Variants in SEL1L2 observed in about 807,000 individuals in gnomAD.
The protein encoded by SEL1L2 is SEL1L2 adaptor subunit of SYVN1 ubiquitin ligase, also known as protein sel-1 homolog 2.
A neutral mutation model predicts 98.8 loss-of-function variants in SEL1L2; 89 were observed. The ratio of observed to expected loss-of-function variants is 0.90; its 90% CI spans 0.76 to 1.07. The LOEUF is 1.07. Among genes scored for constraint, SEL1L2 ranks in the 50% least tolerant of loss-of-function variants. The pLI is 0.00. For synonymous variants in SEL1L2, 262 were observed against 278.5 expected (o/e 0.94, Z 0.59); for missense variants, 788 against 812.0 (o/e 0.97, Z 0.36).
At chr20:13,977,711 A>G (rs2051613102) in intron 1 of SEL1L2, among the ~76,000 whole-genome samples, 1 of 152,178 alleles carries the variant, frequency 6.6e-6, no homozygotes, top group African/African-American at 2.4e-5. Context: ...CTGTTCCCCT[A>G]GCTCTCCCCA....
At chr20:13,866,966 C>G in intron 14 of SEL1L2, 116 bp from the exon 15 acceptor site, 1 of 1,036,512 alleles carries the variant, frequency 9.6e-7, no homozygotes, top group South Asian at 3.0e-5. Context: ...GAAAAGCCAA[C>G]CAAAAGTCAA....
chr20:13,854,986 G>A (rs1988905626), intron 18 of SEL1L2, among the ~76,000 whole-genome samples: 1 of 148,828 alleles, frequency 6.7e-6, no homozygotes, highest in Non-Finnish European at 1.5e-5. Context: ...GGGAGGCAGA[G>A]GTTGCAGTGA....
At position 13,863,094 on chromosome 20, in the gene SEL1L2, G is replaced by T. The variant is rs61492621; in HGVS notation, c.1645+2073C>A. On this transcript the variant is annotated intron_variant, in intron 17 of 19. Coordinates refer to ENST00000284951, the MANE Select transcript of SEL1L2 (RefSeq NM_025229.2). Reference sequence around the variant, plus strand: ...AGTAACTGGGAGCAAGAACTTATAAGAATGGTGCCCAGAAAAGAGGCCCAA... The same window carrying T: ...AGTAACTGGGAGCAAGAACTTATAATAATGGTGCCCAGAAAAGAGGCCCAA... 1.0e-3 allele frequency among the ~76,000 whole-genome samples: 153 copies of T among 152,264 alleles called. 2 individuals carry two copies. The highest frequency in any genetic ancestry group is 3.6e-3 in the African/African-American group (151 of 41,552).
intron 5 of SEL1L2, among the ~76,000 whole-genome samples, chr20:13,908,434 C>G (rs2048073322): frequency 6.6e-6 from 1 of 152,112 alleles, no homozygotes; most frequent in African/African-American, 2.4e-5. Flanking sequence ...ATTTTTGACT[C>G]TTAAAGCAAA....
chr20:13,985,301 C>T (rs1190758028), intron 1 of SEL1L2, among the ~76,000 whole-genome samples: 1 of 152,208 alleles, frequency 6.6e-6, no homozygotes, highest in Non-Finnish European at 1.5e-5. Flanking sequence ...ACATACTACA[C>T]CACAGCAAAC....
chr20:13,907,203 A>AT (rs2047971467), intron 5 of SEL1L2, among the ~76,000 whole-genome samples: 1 of 152,094 alleles, frequency 6.6e-6, no homozygotes, highest in African/African-American at 2.4e-5. Context: ...TAAGTTAAAT[A>AT]TTTTTTTCTG....
intron 5 of SEL1L2, among the ~76,000 whole-genome samples, chr20:13,897,140 C>A (rs2047460233): frequency 1.3e-5 from 2 of 152,138 alleles, no homozygotes; most frequent in East Asian, 1.9e-4. Context: ...ACAAGGATGA[C>A]AAGGCTGCAC....
In SEL1L2 at chr20:13,859,374, T is replaced by G; in HGVS notation, c.1706A>C (p.Lys569Thr). ...GTGTGTGGCTGCTGTTTGATAGTCT[T>G]TCTTAGTCCCATAGCCATAGTAATG... ...DYHYYGYGTKKDYQTAATHYS... is the reference protein window; with the variant it reads ...DYHYYGYGTKTDYQTAATHYS... Residue 569 changes from lysine (K) to threonine (T), a missense_variant, in exon 18 of 20, where the codon AAA becomes ACA. By Grantham distance (78) the Lys-to-Thr change is moderately conservative. Transcript: ENST00000284951. The G allele has an allele frequency of 6.2e-7, 1 of 1,614,148 alleles. No individual in the cohort carries two copies.
At chr20:13,929,494 T>C (rs1183494656) in intron 3 of SEL1L2, among the ~76,000 whole-genome samples, 1 of 121,550 alleles carries the variant, frequency 8.2e-6, no homozygotes, top group Non-Finnish European at 1.7e-5. Flanking sequence ...TGCCTTTTTT[T>C]TTTTTTTTTT....
chr20:13,900,089 A>T (rs761774034), intron 5 of SEL1L2, among the ~76,000 whole-genome samples: 3 of 152,208 alleles, frequency 2.0e-5, no homozygotes, highest in African/African-American at 4.8e-5. Context: ...CAGTAAAACC[A>T]TCTGAGTGTA....
Position 13,931,610 on chromosome 20 carries a change from C to G in SEL1L2, c.276G>C (p.Lys92Asn). 7.2e-7 allele frequency: 1 copy of G among 1,380,288 alleles called. No homozygotes were observed. Among genetic ancestry groups the G allele is most frequent in the Admixed American group, 2.4e-5 (1 of 41,786 alleles). The allele number at this position is 1,380,288 out of a possible 1,614,324, so 85.5% of individuals were successfully genotyped here. ...IQNKDILKRN[K>N]NHLQKQAEKN... is the part of the protein sequence containing the mutation. ...AAAAGATATTCTACTTACAATGATTCTTATTTCTCTTCAAGATATCTTTAT... is the reference window on the plus strand; with the variant it reads ...AAAAGATATTCTACTTACAATGATTGTTATTTCTCTTCAAGATATCTTTAT... The change falls in exon 3 of 20, where the codon AAG becomes AAC. Residue 92 changes from lysine (K) to asparagine (N), a missense_variant. Lys to Asn is a moderately conservative substitution (Grantham distance 94). Transcript: ENST00000284951.
At chr20:13,903,724 T>C (rs1484971390) in intron 5 of SEL1L2, among the ~76,000 whole-genome samples, 1 of 151,928 alleles carries the variant, frequency 6.6e-6, no homozygotes, top group Non-Finnish European at 1.5e-5. Flanking sequence ...GGCAGGAGAA[T>C]CACTTGAACC....
chr20:13,882,818 T>TG (rs2147956069), intron 10 of SEL1L2, among the ~76,000 whole-genome samples: 1 of 122,592 alleles, frequency 8.2e-6, no homozygotes, highest in Admixed American at 7.7e-5. Flanking sequence ...TTGTCTTTTT[T>TG]TTTTTTTTTT....
Position 13,946,729 on chromosome 20 carries a change from C to T in SEL1L2, c.114+9347G>A, listed in dbSNP as rs115770850. On this transcript the variant is annotated intron_variant, in intron 2 of 19. Coordinates refer to ENST00000284951, the MANE Select transcript of SEL1L2 (RefSeq NM_025229.2). ...CCCAGGCATCCCTGTGCTCTTGGGG[C>T]GAGAAACCCTCCCATCCCGCAGGCT... 5.9e-5 allele frequency among the ~76,000 whole-genome samples: 9 copies of T among 152,322 alleles called. No individual in the cohort carries two copies. In the South Asian group the frequency reaches 8.3e-4, roughly 14 times the overall value.
chr20:13,904,131 AATT>A (rs2047810183), intron 5 of SEL1L2, among the ~76,000 whole-genome samples: 1 of 152,260 alleles, frequency 6.6e-6, no homozygotes, highest in Non-Finnish European at 1.5e-5. Context: ...TAAACTTGGA[AATT>A]GACTATGGAG....
rs531220241 is a variant in SEL1L2, at chr20:13,949,644, CAG to C, written c.114+6430_114+6431del. On this transcript the variant is annotated intron_variant, in intron 2 of 19. Transcript: ENST00000284951. ...TGCCACTGCACTCCAGCCTGGGCAA[CAG>C]AGTGAGACTCTGTCTCAAAACAAAA... 6.1e-3 allele frequency among the ~76,000 whole-genome samples: 914 copies of C among 150,728 alleles called. 8 individuals are homozygous for C. The highest frequency in any genetic ancestry group is 0.021 in the African/African-American group (864 of 41,010).
chr20:13,956,222 A>C, intron 1 of SEL1L2, 91 bp from the exon 2 acceptor site: 1 of 670,542 alleles, frequency 1.5e-6, no homozygotes, highest in Non-Finnish European at 2.5e-6. Flanking sequence ...AAACTTCTAG[A>C]AAACTTTTAG....
chr20:13,943,226 A>G (rs2049860669), intron 2 of SEL1L2, among the ~76,000 whole-genome samples: 1 of 152,240 alleles, frequency 6.6e-6, no homozygotes, highest in South Asian at 2.1e-4. Flanking sequence ...ATTGTGAAAT[A>G]CAGGGAAATG....
At chr20:13,879,744 T>C (rs879612497) in intron 10 of SEL1L2, among the ~76,000 whole-genome samples, 8 of 152,194 alleles carry the variant, frequency 5.3e-5, no homozygotes, top group Admixed American at 2.0e-4. Flanking sequence ...ATAAAATGCC[T>C]GGAATCATCC....
Sources: allele counts gnomAD v4.1 joint callset (sites outside exome capture counted in the v4.1 genomes callset), GRCh38; gene constraint gnomAD v4.1.1; transcripts MANE v1.5; gene names NCBI Gene and HGNC (gene_info 2026-07-23, HGNC 2026-07-21).